ZNF839: variants seen among roughly 807,000 people sequenced by gnomAD.
ZNF839 encodes the protein renal carcinoma antigen NY-REN-50.
Under a neutral mutation model 56.4 loss-of-function variants are expected in ZNF839, and 38 were observed. The ratio of observed to expected loss-of-function variants is 0.67; its 90% CI spans 0.52 to 0.88. The LOEUF is 0.88. Among genes scored for constraint, ZNF839 ranks in the 40% least tolerant of loss-of-function variants. The probability of loss-of-function intolerance (pLI) is 0.00; values close to 1 mark genes in which losing one functional copy is unlikely to be tolerated. For missense variants in ZNF839, 1,091 were observed against 1,177.6 expected (o/e 0.93, Z 1.08); for synonymous variants, 486 against 493.5 (o/e 0.98, Z 0.20).
chr14:102,338,668 T>C, intron 5 of ZNF839, 148 bp from the exon 6 acceptor site: 1 of 1,082,904 alleles, frequency 9.2e-7, no homozygotes, highest in East Asian at 2.6e-5. Context: ...GATCTTCATC[T>C]TTCTCATTGT....
intron 1 of ZNF839, among the ~76,000 whole-genome samples, chr14:102,321,198 T>G (rs182407431): frequency 5.8e-4 from 88 of 152,336 alleles, no homozygotes; most frequent in African/African-American, 2.0e-3. Context: ...GGCTGCAAGG[T>G]GCCATCTGGG....
At chr14:102,331,867 G>A in intron 3 of ZNF839, 21 bp downstream of exon 3, 2 of 1,532,484 alleles carry the variant, frequency 1.3e-6, no homozygotes, top group Non-Finnish European at 1.7e-6. Context: ...CTTAAACCCT[G>A]TGCTTGAAAC....
intron 2 of ZNF839, among the ~76,000 whole-genome samples, chr14:102,329,789 C>CTTTTT (rs35781672): frequency 3.9e-5 from 4 of 102,112 alleles, no homozygotes; most frequent in Non-Finnish European, 7.3e-5. Flanking sequence ...TAGAGATAAC[C>CTTTTT]TTTTTTTTTT....
chr14:102,328,830 G>A (rs959861371), intron 2 of ZNF839, among the ~76,000 whole-genome samples: 1 of 152,068 alleles, frequency 6.6e-6, no homozygotes, highest in African/African-American at 2.4e-5. Context: ...GTAAGACTGA[G>A]TAATATCTCA....
rs564263789 is a variant in ZNF839, at chr14:102,326,588, C to T, written c.892C>T (p.His298Tyr). The change falls in exon 2 of 8, where the codon CAC becomes TAC. Residue 298 changes from histidine (H) to tyrosine (Y), a missense_variant. His to Tyr is a moderately conservative substitution (Grantham distance 83, BLOSUM62 2). Transcript: ENST00000442396. This position sits in a 1 kb window ranked among gnomAD's most constrained non-coding sequence, Gnocchi z 4.3. ...VEEDEDQRER[H>Y]ALFDLSSCSL... ...AGAAGATGAAGATCAGAGGGAGAGG[C>T]ACGCACTCTTTGACTTATCGAGCTG... 1.2e-6 allele frequency: 2 copies of T among 1,613,922 alleles called. No homozygotes were observed. The highest frequency in any genetic ancestry group is 2.7e-5 in the African/African-American group (2 of 75,058).
chr14:102,324,441 G>T, intron 1 of ZNF839, among the ~76,000 whole-genome samples: 1 of 152,112 alleles, frequency 6.6e-6, no homozygotes. Flanking sequence ...TACTCAGGAG[G>T]CTGAGGCAGG....
chr14:102,338,581 C>T (rs927485111), intron 5 of ZNF839, among the ~76,000 whole-genome samples: 1 of 149,286 alleles, frequency 6.7e-6, no homozygotes, highest in African/African-American at 2.5e-5. Flanking sequence ...GTCTCCTCCT[C>T]TAAATTGTGC....
In ZNF839 at chr14:102,335,674, T is replaced by C; in HGVS notation, c.1510-15T>C. ...TTGAGTTTAAACTTTTTTTTTGGTC[T>C]TTATCTTCACGAAGGTTGAAAAAGA... is the stretch of plus-strand genomic sequence containing the variant. On this transcript the variant is annotated splice_polypyrimidine_tract_variant and intron_variant, in intron 4 of 7. Transcript: ENST00000442396. The C allele has an allele frequency of 6.3e-7, 1 of 1,579,422 alleles. No individual in the cohort carries two copies. Among genetic ancestry groups the C allele is most frequent in the South Asian group, 1.1e-5 (1 of 87,160 alleles).
intron 2 of ZNF839, among the ~76,000 whole-genome samples, chr14:102,329,195 G>A (rs963999813): frequency 1.3e-5 from 2 of 151,856 alleles, no homozygotes; most frequent in African/African-American, 2.4e-5. Context: ...GGTCTCGATC[G>A]CTTGACCTTG....
chr14:102,331,716 G>A lies in ZNF839; in HGVS notation c.1286G>A (p.Arg429His), dbSNP rs760906633. The change falls in exon 3 of 8, where the codon CGC becomes CAC. Residue 429 changes from arginine to histidine, a missense_variant. Around this residue, in one of 3 missense-constraint regions of ZNF839, gnomAD observed 614 missense variants for 629.2 expected, o/e 0.98. Coordinates refer to ENST00000442396, the MANE Select transcript of ZNF839 (RefSeq NM_018335.6). Reference sequence around the variant, plus strand: ...GAGAGATACCAAGGACCTAGAAGACGCGCATGCTCAGAGACCCTTGCAGAG... The same window carrying A: ...GAGAGATACCAAGGACCTAGAAGACACGCATGCTCAGAGACCCTTGCAGAG... ...RSERYQGPRR[R>H]ACSETLAESR... 23 of 1,609,850 alleles carry A rather than the reference G, an allele frequency of 1.4e-5. No homozygotes were observed. The highest frequency in any genetic ancestry group is 1.6e-4 in the Middle Eastern group (1 of 6,080).
chr14:102,328,375 A>AAAAT (rs1197718891), intron 2 of ZNF839, among the ~76,000 whole-genome samples: 46 of 16,336 alleles, frequency 2.8e-3, no homozygotes, highest in Non-Finnish European at 4.2e-3. Context: ...AAAAAAAAAA[A>AAAAT]ATATATATAT....
chr14:102,336,071 C>T (rs1453959005), intron 5 of ZNF839, among the ~76,000 whole-genome samples: 1 of 151,920 alleles, frequency 6.6e-6, no homozygotes, highest in Non-Finnish European at 1.5e-5. Context: ...TCCAGTTATT[C>T]AGGAAGCTGA....
rs752276793 is a variant in ZNF839 at position 102,326,593 on chromosome 14, A to G, written c.897A>G (p.Ala299=). The change falls in exon 2 of 8, where the codon GCA becomes GCG. Residue 299 remains alanine, a synonymous_variant. Coordinates refer to ENST00000442396, the MANE Select transcript of ZNF839 (RefSeq NM_018335.6). This position sits in a 1 kb window ranked among gnomAD's most constrained non-coding sequence, Gnocchi z 4.3. ...EEDEDQRERH[A]LFDLSSCSLR... Reference sequence around the variant, plus strand: ...ATGAAGATCAGAGGGAGAGGCACGCACTCTTTGACTTATCGAGCTGCTCCC... The same window carrying G: ...ATGAAGATCAGAGGGAGAGGCACGCGCTCTTTGACTTATCGAGCTGCTCCC... 1 of 1,613,754 alleles carries G rather than the reference A, an allele frequency of 6.2e-7. No homozygotes were observed. Among genetic ancestry groups the G allele is most frequent in the South Asian group, 1.1e-5 (1 of 91,052 alleles).
upstream of ZNF839, among the ~76,000 whole-genome samples, chr14:102,318,231 A>G (rs763082179): frequency 5.9e-5 from 9 of 152,246 alleles, no homozygotes; most frequent in Non-Finnish European, 1.0e-4. Flanking sequence ...GCAGGGACAC[A>G]GCATGGAGGA....
In ZNF839 at chr14:102,330,927, A is replaced by G. The variant is rs1016794280; in HGVS notation, c.1192-695A>G. Among the ~76,000 whole-genome samples, 8 of 152,198 alleles carry G rather than the reference A, an allele frequency of 5.3e-5. No individual in the cohort carries two copies. In the South Asian group the frequency reaches 8.3e-4, roughly 16 times the overall value. ...AAGGCCAGATCTAGGGTTCTCTTCA[A>G]AAGCCATGCAGATGCATGGAGACAG... On this transcript the variant is annotated intron_variant, in intron 2 of 7. Transcript: ENST00000442396.
rs1886152825 is a variant in ZNF839 at position 102,338,845 on chromosome 14, C to T, written c.1689C>T (p.Phe563=). The T allele has an allele frequency of 6.2e-7, 1 of 1,613,636 alleles. No individual in the cohort carries two copies. Residue 563 remains phenylalanine, a synonymous_variant, in exon 6 of 8, where the codon TTC becomes TTT. Coordinates refer to ENST00000442396, the MANE Select transcript of ZNF839 (RefSeq NM_018335.6). The part of the protein sequence containing the change: ...KVAESLGITE[F]LRKKEIHPDN... Reference sequence around the variant, plus strand: ...CTGAGTCATTAGGAATCACAGAATTCCTACGGAAGAAAGAAATACACCCAG... The same window carrying T: ...CTGAGTCATTAGGAATCACAGAATTTCTACGGAAGAAAGAAATACACCCAG...
intron 2 of ZNF839, chr14:102,331,411 G>T (rs764806024): frequency 2.0e-6 from 1 of 507,160 alleles, no homozygotes; most frequent in East Asian, 3.5e-5. Context: ...ACCGCGCCTG[G>T]CTAATTTTTT....
At chr14:102,338,539 G>GAAA (rs954011615) in intron 5 of ZNF839, among the ~76,000 whole-genome samples, 6 of 32,078 alleles carry the variant, frequency 1.9e-4, no homozygotes, top group African/African-American at 3.2e-4. Context: ...CTCTGTCTCA[G>GAAA]AAAAAAAAAA....
intron 4 of ZNF839, chr14:102,335,080 A>C (rs1336120404): frequency 6.5e-6 from 1 of 153,908 alleles, no homozygotes; most frequent in African/African-American, 2.4e-5. Context: ...GGAAAGAGCC[A>C]GGCCATTTGG....
Sources: gnomAD v4.1 joint callset for allele counts (sites outside exome capture counted in the v4.1 genomes callset) on GRCh38, gnomAD v4.1.1 for gene constraint, gnomAD v4.1.1 regional missense constraint, Gnocchi (gnomAD v3.1) non-coding constraint, MANE v1.5 for transcripts, NCBI Gene and HGNC (gene_info 2026-07-23, HGNC 2026-07-21) for gene names.